Variants in RBFOX2 observed in about 807,000 individuals in gnomAD.
RBFOX2 encodes RNA binding protein fox-1 homolog 2.
Under a neutral mutation model 49.1 loss-of-function variants are expected in RBFOX2, and 10 were observed. That is an observed-to-expected ratio of 0.20 (90% CI 0.13 to 0.35). RBFOX2 has a LOEUF of 0.35. RBFOX2 is among the 10% of genes least tolerant of loss of function. The pLI, the probability that RBFOX2 is intolerant of heterozygous loss-of-function variation, is 1.00. For synonymous variants in RBFOX2, 183 were observed against 187.4 expected, an observed-to-expected ratio of 0.98 and a Z score of 0.19; for missense variants, 323 against 486.9, an observed-to-expected ratio of 0.66 and a Z score of 3.17.
chr22:36,009,604 G>A (rs1035567209), intron 1 of RBFOX2, among the ~76,000 whole-genome samples: 3 of 152,094 alleles, frequency 2.0e-5, no homozygotes, highest in African/African-American at 7.2e-5. Flanking sequence ...GCCCAGGCTA[G>A]TCTCAAATTC....
At chr22:35,861,611 C>T (rs1169525584) in intron 1 of RBFOX2, among the ~76,000 whole-genome samples, 1 of 152,134 alleles carries the variant, frequency 6.6e-6, no homozygotes, top group African/African-American at 2.4e-5. Context: ...TCACTACATA[C>T]CTATTTAAAA....
chr22:35,938,284 A>G (rs1339954608), intron 1 of RBFOX2, among the ~76,000 whole-genome samples: 2 of 152,198 alleles, frequency 1.3e-5, no homozygotes, highest in African/African-American at 4.8e-5. Context: ...AACCATACTG[A>G]GGGTGTCTCG....
chr22:35,795,408 T>C (rs1350630617), intron 2 of RBFOX2, among the ~76,000 whole-genome samples: 2 of 152,046 alleles, frequency 1.3e-5, no homozygotes, highest in African/African-American at 2.4e-5. Flanking sequence ...TATGATAGAC[T>C]GTGGCCCCCC....
In RBFOX2 at chr22:36,007,697, C is replaced by T. The variant is rs562518867; in HGVS notation, c.186+20543G>A. 5.3e-5 allele frequency among the ~76,000 whole-genome samples: 8 copies of T among 152,246 alleles called. No homozygotes were observed. The East Asian group carries it at 1.4e-3, about 26-fold the overall frequency. On this transcript the variant is annotated intron_variant, in intron 1 of 13. Coordinates refer to the RBFOX2 transcript ENST00000438146. ...CAATGCTCCTCCGAGGAGGCAACCG[C>T]TGGGGAGTCTTGTGTTTCCTGGCAG...
chr22:35,994,013 A>T (rs1352080466), intron 1 of RBFOX2: 1 of 152,074 alleles, frequency 6.6e-6, no homozygotes, highest in African/African-American at 2.4e-5. Flanking sequence ...CAAAAAAATC[A>T]TTAAAGGTCC....
intron 1 of RBFOX2, among the ~76,000 whole-genome samples, chr22:35,851,567 C>T (rs2041938459): frequency 6.6e-6 from 1 of 152,172 alleles, no homozygotes; most frequent in South Asian, 2.1e-4. Context: ...TGGCTCACAC[C>T]TGTAATCCCA....
At chr22:35,983,493 A>C (rs185520486) in intron 1 of RBFOX2, among the ~76,000 whole-genome samples, 20 of 152,224 alleles carry the variant, frequency 1.3e-4, no homozygotes, top group Admixed American at 6.5e-4. Flanking sequence ...CTTTTAGGAG[A>C]TGCTGATTCT....
chr22:35,771,233 A>T (rs1942581507), intron 4 of RBFOX2, among the ~76,000 whole-genome samples: 1 of 152,170 alleles, frequency 6.6e-6, no homozygotes, highest in African/African-American at 2.4e-5. Context: ...GGCCCAATGT[A>T]ATACAGTGTT....
chr22:35,976,422 A>C (rs1160682810), intron 1 of RBFOX2, among the ~76,000 whole-genome samples: 1 of 151,162 alleles, frequency 6.6e-6, no homozygotes, highest in African/African-American at 2.4e-5. Flanking sequence ...ATTACACTTG[A>C]TCCTCCAAGA....
chr22:35,869,574 T>G (rs1289606678), intron 1 of RBFOX2, among the ~76,000 whole-genome samples: 2 of 150,902 alleles, frequency 1.3e-5, no homozygotes, highest in Non-Finnish European at 3.0e-5. Flanking sequence ...TCTTCCCACT[T>G]CAGCTTCTGA....
At chr22:35,866,056 T>C (rs1328723918) in intron 1 of RBFOX2, among the ~76,000 whole-genome samples, 1 of 152,240 alleles carries the variant, frequency 6.6e-6, no homozygotes, top group Non-Finnish European at 1.5e-5. Context: ...TACAGATTGA[T>C]AATTACATTT....
At chr22:36,023,706 T>C (rs1326861698) in intron 1 of RBFOX2, among the ~76,000 whole-genome samples, 3 of 152,340 alleles carry the variant, frequency 2.0e-5, no homozygotes, top group East Asian at 1.9e-4. Context: ...TTTCTCAAAC[T>C]GTACATCAGC....
intron 1 of RBFOX2, among the ~76,000 whole-genome samples, chr22:35,867,498 AGACACACAATTGCTCACACCATAG>A (rs1382724253): frequency 3.3e-5 from 5 of 152,212 alleles, no homozygotes; most frequent in Non-Finnish European, 7.3e-5. Flanking sequence ...TGCGTTTACT[AGACACACAATTGCTCACACCATAG>A]GACAAAATCA....
intron 1 of RBFOX2, among the ~76,000 whole-genome samples, chr22:35,947,146 C>T (rs899138653): frequency 2.0e-5 from 3 of 151,964 alleles, no homozygotes; most frequent in South Asian, 2.1e-4. Context: ...GAGCTGAGAT[C>T]GTGCCACTGC....
chr22:35,777,428 A>C (rs1944205146), intron 4 of RBFOX2, among the ~76,000 whole-genome samples: 1 of 152,216 alleles, frequency 6.6e-6, no homozygotes, highest in Non-Finnish European at 1.5e-5. Context: ...AAAAAAAACT[A>C]ACTCACTGTA....
intron 1 of RBFOX2, among the ~76,000 whole-genome samples, chr22:35,871,161 G>A (rs1273186261): frequency 6.6e-6 from 1 of 152,198 alleles, no homozygotes; most frequent in Non-Finnish European, 1.5e-5. Context: ...TACCTGGGGA[G>A]AGACAGATGA....
exon 12 of RBFOX2, chr22:35,739,361 G>A (rs1928653679): frequency 6.6e-6 from 1 of 152,294 alleles, no homozygotes; most frequent in African/African-American, 2.4e-5. Context: ...AGCCTGTCAG[G>A]GACAAGTACA....
At chr22:35,945,769 C>T (rs894200750) in intron 1 of RBFOX2, among the ~76,000 whole-genome samples, 1 of 152,120 alleles carries the variant, frequency 6.6e-6, no homozygotes, top group Non-Finnish European at 1.5e-5. Context: ...GACCACAGGG[C>T]GTCATTCTGC....
chr22:35,745,890 G>C, intron 11 of RBFOX2, 33 bp downstream of exon 13: 1 of 1,574,316 alleles, frequency 6.4e-7, no homozygotes, highest in Non-Finnish European at 8.7e-7. Context: ...GAATGAAATG[G>C]TTTTATAAAG....
Sources: gnomAD v4.1 joint callset for allele counts (sites outside exome capture counted in the v4.1 genomes callset) on GRCh38, gnomAD v4.1.1 for gene constraint, MANE v1.5 for transcripts, NCBI Gene and HGNC (gene_info 2026-07-23, HGNC 2026-07-21) for gene names.